NAALADL1: variants seen among roughly 807,000 people sequenced by gnomAD.
NAALADL1 encodes the protein N-acetylated alpha-linked acidic dipeptidase like 1.
In NAALADL1, 77 loss-of-function variants were observed where a neutral mutation model predicts 82.8. That is an observed-to-expected ratio of 0.93 (90% confidence interval 0.77 to 1.12). The LOEUF (loss-of-function observed/expected upper bound fraction) is 1.12, where lower values mean the gene tolerates loss of function less well. NAALADL1 is among the 50% of genes most tolerant of loss of function. The pLI is 0.00. For missense variants in NAALADL1, 956 were observed against 964.0 expected, an observed-to-expected ratio of 0.99 and a Z score of 0.11; for synonymous variants, 358 against 399.2, an observed-to-expected ratio of 0.90 and a Z score of 1.23.
At chr11:65,049,886 C>A (rs1449934344) in intron 8 of NAALADL1, among the ~76,000 whole-genome samples, 1 of 150,354 alleles carries the variant, frequency 6.7e-6, no homozygotes, top group African/African-American at 2.4e-5. Flanking sequence ...ATATTTTTTT[C>A]TTTTTTTTGA....
Position 65,054,518 on chromosome 11 carries a change from AC to A in NAALADL1, c.823del (p.Val275SerfsTer59), listed in dbSNP as rs1166794197. 6.2e-7 allele frequency: 1 copy of A among 1,614,020 alleles called. No homozygotes were observed. Among genetic ancestry groups the A allele is most frequent in the South Asian group, 1.1e-5 (1 of 91,064 alleles). On this transcript the variant is annotated frameshift_variant, in exon 5 of 18. Transcript: ENST00000358658. LOFTEE classifies it high-confidence loss of function. The surrounding 1 kb of genome is among the most constrained non-coding windows in gnomAD (Gnocchi z 4.3). Reference protein sequence around the residue: ...PSSFRVDLANVSGFPPIPTQP... With the variant: ...PSSFRVDLANXSGFPPIPTQP... Reference sequence around the variant, plus strand: ...TGTAGGAATTGGGGGAAATCCGGAGACATTGGCAAGGTCCACGCGGAAGGAA... The same window carrying A: ...TGTAGGAATTGGGGGAAATCCGGAGAATTGGCAAGGTCCACGCGGAAGGAA...
chr11:65,047,576 G>T lies in NAALADL1; in HGVS notation c.1509-11C>A, dbSNP rs1196029807. 6.4e-7 allele frequency: 1 copy of T among 1,573,270 alleles called. No individual in the cohort carries two copies. The highest frequency in any genetic ancestry group is 2.3e-5 in the East Asian group (1 of 42,810). ...CCCAGAGAACCCAAGCTGCGGGAAG[G>T]AAGGGGGCCGGGATAAAGAGCGCTG... On this transcript the variant is annotated splice_polypyrimidine_tract_variant and intron_variant, in intron 12 of 17. Coordinates refer to ENST00000358658, the MANE Select transcript of NAALADL1 (RefSeq NM_005468.3).
upstream of NAALADL1, among the ~76,000 whole-genome samples, chr11:65,058,919 C>T (rs1035623510): frequency 5.3e-5 from 8 of 152,228 alleles, no homozygotes; most frequent in Admixed American, 1.3e-4. Context: ...ATACCCAGCC[C>T]TACCTGCCTG....
At position 65,054,254 on chromosome 11, in the gene NAALADL1, C is replaced by G. The variant is rs1454029735; in HGVS notation, c.988G>C (p.Asp330His). Residue 330 changes from aspartate (D) to histidine (H), a missense_variant, in exon 6 of 18, where the codon GAC becomes CAC. Transcript: ENST00000358658. This position sits in a 1 kb window ranked among gnomAD's most constrained non-coding sequence, Gnocchi z 4.3. ...GFRPDGDFPA[D>H]SQVNVSVYNR... Reference sequence around the variant, plus strand: ...CCTGGTCTGGCTGCATCTCACCTGTCTGCTGGGAAGTCTCCGTCAGGCCGG... The same window carrying G: ...CCTGGTCTGGCTGCATCTCACCTGTGTGCTGGGAAGTCTCCGTCAGGCCGG... 6.2e-7 allele frequency: 1 copy of G among 1,613,634 alleles called. No individual in the cohort carries two copies. Among genetic ancestry groups the G allele is most frequent in the South Asian group, 1.1e-5 (1 of 91,006 alleles).
chr11:65,057,854 TA>T lies in NAALADL1; in HGVS notation c.480+20del, dbSNP rs1210389141. On this transcript the variant is annotated intron_variant, in intron 3 of 17. Coordinates refer to ENST00000358658, the MANE Select transcript of NAALADL1 (RefSeq NM_005468.3). ...AACCAAGGGAGCTGGGCCAGAGCAGTAGGGGGGGTTCTGGGCCCACCTGTGG... is the reference window on the plus strand; with the variant it reads ...AACCAAGGGAGCTGGGCCAGAGCAGTGGGGGGGTTCTGGGCCCACCTGTGG... 2 of 1,612,342 alleles carry T rather than the reference TA, an allele frequency of 1.2e-6. No individual in the cohort carries two copies. Among genetic ancestry groups the T allele is most frequent in the African/African-American group, 2.7e-5 (2 of 74,780 alleles).
intron 8 of NAALADL1, among the ~76,000 whole-genome samples, chr11:65,051,638 T>G (rs1401719169): frequency 6.6e-6 from 1 of 151,982 alleles, no homozygotes; most frequent in Non-Finnish European, 1.5e-5. Flanking sequence ...AGACTTCAGG[T>G]CTCATTTCTG....
chr11:65,047,732 A>G lies in NAALADL1; in HGVS notation c.1423T>C (p.Ser475Pro). ...ATGCTCAGGTCGCCAGGGCCTGGTG[A>G]GCGGATCTGGCCGGAAGGAGAATTT... The part of the protein sequence containing the change: ...VVFSATKEIR[S>P]PGPGDLSIYD... The change falls in exon 12 of 18, where the codon TCA (serine) becomes CCA (proline). Residue 475 changes from serine (S) to proline (P), a missense_variant. Coordinates refer to ENST00000358658, the MANE Select transcript of NAALADL1 (RefSeq NM_005468.3). The G allele has an allele frequency of 6.2e-7, 1 of 1,600,790 alleles. No individual in the cohort carries two copies. Among genetic ancestry groups the G allele is most frequent in the South Asian group, 1.1e-5 (1 of 88,238 alleles).
chr11:65,048,117 GTC>G, intron 10 of NAALADL1, 33 bp downstream of exon 10: 1 of 1,613,554 alleles, frequency 6.2e-7, no homozygotes, highest in Non-Finnish European at 8.5e-7. Context: ...TCGTCCCGCC[GTC>G]TCCTCCCCTT....
rs201404252 is a variant in NAALADL1 at position 65,057,472 on chromosome 11, G to A, written c.502C>T (p.Arg168Trp). ...TPQGLLVYAN[R>W]GAEEDFKELQ... ...TCCTTAAAGTCTTCTTCCGCGCCCC[G>A]GTTGGCATAGACGAGGAGGCCCTAG... is the stretch of plus-strand genomic sequence containing the variant. The change falls in exon 4 of 18, where the codon CGG becomes TGG. Residue 168 changes from arginine to tryptophan, a missense_variant. By Grantham distance (101) the Arg-to-Trp change is moderately radical (BLOSUM62 -3). Transcript: ENST00000358658. The A allele has an allele frequency of 6.3e-5, 102 of 1,613,804 alleles. 1 individual carries two copies. The highest frequency in any genetic ancestry group is 7.5e-5 in the Non-Finnish European group (89 of 1,179,896).
chr11:65,047,854 A>G (rs1946775930), intron 11 of NAALADL1, 116 bp from the exon 12 acceptor site: 3 of 1,465,756 alleles, frequency 2.0e-6, no homozygotes. Flanking sequence ...GGCTTGCCCC[A>G]GCCTCAGTCC....
At position 65,058,133 on chromosome 11, in the gene NAALADL1, C is replaced by T. The variant is rs1221008156; in HGVS notation, c.303G>A (p.Thr101=). The T allele has an allele frequency of 2.5e-6, 4 of 1,613,712 alleles. No individual in the cohort carries two copies. Among genetic ancestry groups the T allele is most frequent in the South Asian group, 1.1e-5 (1 of 91,054 alleles). The change falls in exon 2 of 18, where the codon ACG becomes ACA. Residue 101 remains threonine (T), a synonymous_variant. Coordinates refer to ENST00000358658, the MANE Select transcript of NAALADL1 (RefSeq NM_005468.3). ...TAGGGAAGGACAGCAGCACTTCGTA[C>T]GTGGAGGCCTCGGCCGAGTCCAGGC... ...ESGLDSAEAS[T]YEVLLSFPSQ...
At position 65,054,982 on chromosome 11, in the gene NAALADL1, T is replaced by C. The variant is rs1255148480; in HGVS notation, c.604-244A>G. Among the ~76,000 whole-genome samples, 1 of 152,192 alleles carries C rather than the reference T, an allele frequency of 6.6e-6. No homozygotes were observed. The highest frequency in any genetic ancestry group is 1.5e-5 in the Non-Finnish European group (1 of 68,032). ...AGGGACATCCTACAGTGGAATACCA[T>C]GAAGCTGCATAAAATAACACAGTTG... On this transcript the variant is annotated intron_variant, in intron 4 of 17. Coordinates refer to ENST00000358658, the MANE Select transcript of NAALADL1 (RefSeq NM_005468.3). The surrounding 1 kb of genome is among the most constrained non-coding windows in gnomAD (Gnocchi z 4.3).
Position 65,054,651 on chromosome 11 carries a change from C to T in NAALADL1, c.691G>A (p.Glu231Lys), listed in dbSNP as rs772880783. 16 of 1,613,964 alleles carry T rather than the reference C, an allele frequency of 9.9e-6. No individual in the cohort carries two copies. Among genetic ancestry groups the T allele is most frequent in the Non-Finnish European group, 1.3e-5 (15 of 1,180,014 alleles). ...DINDGLSSPD[E>K]TFPNSWYLPP... is the part of the protein sequence containing the mutation. ...AGGTACCAGGAGTTGGGAAAGGTTT[C>T]GTCGGGTGAGCTCAGCCCATCGTTG... Residue 231 changes from glutamate to lysine, a missense_variant, in exon 5 of 18, where the codon GAA becomes AAA. Glu to Lys is a moderately conservative substitution (Grantham distance 56, BLOSUM62 1). Coordinates refer to ENST00000358658, the MANE Select transcript of NAALADL1 (RefSeq NM_005468.3). This position sits in a 1 kb window ranked among gnomAD's most constrained non-coding sequence, Gnocchi z 4.3.
chr11:65,047,910 C>CCCCCAT, intron 11 of NAALADL1, 71 bp downstream of exon 11: 2 of 1,358,314 alleles, frequency 1.5e-6, no homozygotes, highest in Non-Finnish European at 1.0e-6. Flanking sequence ...CCCGCCCACC[C>CCCCCAT]GTAGCGGCCC....
chr11:65,045,728 T>G lies in NAALADL1; in HGVS notation c.2036+94A>C, dbSNP rs1036273183. The G allele has an allele frequency of 4.7e-6, 6 of 1,280,548 alleles. No homozygotes were observed. In the South Asian group the frequency reaches 5.1e-5, roughly 11 times the overall value. The allele number at this position is 1,280,548 out of a possible 1,614,324, so 79.3% of individuals were successfully genotyped here. Reference sequence around the variant, plus strand: ...CTTCTTCAGGGGCTGGGTTGCACTCTAAAGGGCAGAGAAGCTGACCACCTC... The same window carrying G: ...CTTCTTCAGGGGCTGGGTTGCACTCGAAAGGGCAGAGAAGCTGACCACCTC... On this transcript the variant is annotated intron_variant, in intron 17 of 17. Transcript: ENST00000358658.
chr11:65,058,511 G>C lies in NAALADL1; in HGVS notation c.11C>G (p.Thr4Arg), dbSNP rs765273619. The C allele has an allele frequency of 6.3e-7, 1 of 1,599,020 alleles. No homozygotes were observed. Among genetic ancestry groups the C allele is most frequent in the East Asian group, 2.2e-5 (1 of 44,730 alleles). MQW[T>R]KVLGLGLGAA... ...CCCCAGCCCCAGCCCCAACACCTTC[G>C]TCCACTGCATCCTGCGGACTCTTGG... The change falls in exon 1 of 18, where the codon ACG becomes AGG. Residue 4 changes from threonine (T) to arginine (R), a missense_variant. Coordinates refer to ENST00000358658, the MANE Select transcript of NAALADL1 (RefSeq NM_005468.3).
Position 65,054,860 on chromosome 11 carries a change from G to T in NAALADL1, c.604-122C>A. On this transcript the variant is annotated intron_variant, in intron 4 of 17. Transcript: ENST00000358658. The surrounding 1 kb of genome is among the most constrained non-coding windows in gnomAD (Gnocchi z 4.3). ...ACCAATCTTCCATGGGCAAGATGAC[G>T]TTTGCACAAGTCATTTATGGCAGTG... 2 of 1,278,990 alleles carry T rather than the reference G, an allele frequency of 1.6e-6. No homozygotes were observed. The highest frequency in any genetic ancestry group is 2.1e-6 in the Non-Finnish European group (2 of 945,230). The allele number at this position is 1,278,990 out of a possible 1,614,324, so 79.2% of individuals were successfully genotyped here.
chr11:65,054,338 A>T lies in NAALADL1; in HGVS notation c.904T>A (p.Leu302Met), dbSNP rs1411827667. The T allele has an allele frequency of 1.5e-5, 24 of 1,614,094 alleles. No individual in the cohort carries two copies. Among genetic ancestry groups the T allele is most frequent in the Non-Finnish European group, 2.0e-5 (24 of 1,180,012 alleles). Residue 302 changes from leucine to methionine, a missense_variant, in exon 6 of 18, where the codon TTG becomes ATG. Coordinates refer to ENST00000358658, the MANE Select transcript of NAALADL1 (RefSeq NM_005468.3). The surrounding 1 kb of genome is among the most constrained non-coding windows in gnomAD (Gnocchi z 4.3). Reference protein sequence around the residue: ...RDLLCNLNGTLAPATWQGALG... With the variant: ...RDLLCNLNGTMAPATWQGALG... ...GCTCCCTGCCAGGTGGCTGGGGCCA[A>T]AGTTCCGTTGAGGTTACTGGGGAGG...
intron 8 of NAALADL1, 74 bp from the exon 9 acceptor site, chr11:65,048,459 A>G: frequency 1.3e-6 from 2 of 1,540,304 alleles, no homozygotes; most frequent in South Asian, 2.2e-5. Flanking sequence ...AAGGCTGCTG[A>G]CGTGAGGAGG....
Sources: allele counts gnomAD v4.1 joint callset (sites outside exome capture counted in the v4.1 genomes callset), GRCh38; gene constraint gnomAD v4.1.1; non-coding constraint Gnocchi (gnomAD v3.1); transcripts MANE v1.5; gene names NCBI Gene and HGNC (gene_info 2026-07-23, HGNC 2026-07-21).